Variants in HIPK4 observed in about 807,000 individuals in gnomAD.
HIPK4 encodes the protein homeodomain-interacting protein kinase 4.
A neutral mutation model predicts 44.8 loss-of-function variants in HIPK4; 26 were observed. The observed-to-expected ratio is 0.58, with a 90% confidence interval of 0.43 to 0.80. HIPK4 has a LOEUF of 0.80. Ranked by LOEUF, HIPK4 falls within the 30% of genes least tolerant of loss-of-function variation. The pLI, the probability that HIPK4 is intolerant of heterozygous loss-of-function variation, is 0.00. For missense variants in HIPK4, 729 were observed against 862.6 expected, an observed-to-expected ratio of 0.85 and a Z score of 1.94; for synonymous variants, 340 against 355.5, an observed-to-expected ratio of 0.96 and a Z score of 0.49.
intron 1 of HIPK4, among the ~76,000 whole-genome samples, chr19:40,388,732 T>C (rs181616806): frequency 2.6e-4 from 39 of 152,270 alleles, no homozygotes; most frequent in African/African-American, 8.9e-4. Flanking sequence ...TTCAGAAGCA[T>C]CCAGACAGTA....
At chr19:40,384,220 C>G in intron 1 of HIPK4, 81 bp from the exon 2 acceptor site, 3 of 1,060,892 alleles carry the variant, frequency 2.8e-6, no homozygotes, top group Non-Finnish European at 4.2e-6. Context: ...CATCTTTCAC[C>G]TGGCATCTTC....
rs1235581890 is a variant in HIPK4 at position 40,380,036 on chromosome 19, G to A, written c.1669-267C>T. On this transcript the variant is annotated intron_variant, in intron 3 of 3. Coordinates refer to ENST00000291823, the MANE Select transcript of HIPK4 (RefSeq NM_144685.5). This position sits in a 1 kb window ranked among gnomAD's most constrained non-coding sequence, Gnocchi z 4.2. Reference sequence around the variant, plus strand: ...CAGCTAATATTTCTAATTTTTTGGTGCAGACGGGATCTCACTATGTTGCCC... The same window carrying A: ...CAGCTAATATTTCTAATTTTTTGGTACAGACGGGATCTCACTATGTTGCCC... 6.6e-6 allele frequency among the ~76,000 whole-genome samples: 1 copy of A among 152,112 alleles called. No individual in the cohort carries two copies. The highest frequency in any genetic ancestry group is 2.4e-5 in the African/African-American group (1 of 41,418).
Position 40,384,009 on chromosome 19 carries a change from C to G in HIPK4, c.596G>C (p.Trp199Ser). ...CTCAGCCATGACGCAGCCCAGGGAC[C>G]ACACGTCCACCTTCTCGCAGAAGGG... is the stretch of plus-strand genomic sequence containing the variant. ...GLPFCEKVDV[W>S]SLGCVMAELH... The change falls in exon 2 of 4, where the codon TGG becomes TCG. Residue 199 changes from tryptophan (W) to serine (S), a missense_variant. Transcript: ENST00000291823. 1 of 1,614,148 alleles carries G rather than the reference C, an allele frequency of 6.2e-7. No homozygotes were observed. The highest frequency in any genetic ancestry group is 8.5e-7 in the Non-Finnish European group (1 of 1,179,986).
Position 40,379,567 on chromosome 19 carries a change from G to A in HIPK4, c.*20C>T. 1.3e-6 allele frequency: 2 copies of A among 1,501,822 alleles called. No homozygotes were observed. Among genetic ancestry groups the A allele is most frequent in the South Asian group, 2.6e-5 (2 of 77,956 alleles). 93.0% of individuals were successfully genotyped at this position (1,501,822 alleles called of 1,614,324 possible). On this transcript the variant is annotated 3_prime_UTR_variant, in exon 4 of 4. Coordinates refer to ENST00000291823, the MANE Select transcript of HIPK4 (RefSeq NM_144685.5). ...CCCAGCTAGCGCAGCCCCCAGTGAT[G>A]GGCAGGGGTGGAATCACCATCAGTG...
Position 40,381,277 on chromosome 19 carries a change from G to T in HIPK4, c.823-109C>A, listed in dbSNP as rs542846011. ...AGCCCCGACTTCCAGGTCTGCCCATGATCTGCCTTGGAGCTCTCTGGCTGC... is the reference window on the plus strand; with the variant it reads ...AGCCCCGACTTCCAGGTCTGCCCATTATCTGCCTTGGAGCTCTCTGGCTGC... On this transcript the variant is annotated intron_variant, in intron 2 of 3. Coordinates refer to ENST00000291823, the MANE Select transcript of HIPK4 (RefSeq NM_144685.5). 16 of 908,610 alleles carry T rather than the reference G, an allele frequency of 1.8e-5. No homozygotes were observed. The South Asian group carries it at 2.4e-4, about 14-fold the overall frequency. The allele number at this position is 908,610 out of a possible 1,614,324, so 56.3% of individuals were successfully genotyped here. A position where few individuals can be genotyped will look rare whatever the true frequency, so the allele number is the denominator to read the frequency against.
At position 40,380,239 on chromosome 19, in the gene HIPK4, A is replaced by G. The variant is rs182195204; in HGVS notation, c.1668+84T>C. Reference sequence around the variant, plus strand: ...GGGTGAGTGTGTGTTGAGCCTCCTCACACACTAATCATATCCTGAGCACGG... The same window carrying G: ...GGGTGAGTGTGTGTTGAGCCTCCTCGCACACTAATCATATCCTGAGCACGG... On this transcript the variant is annotated intron_variant, in intron 3 of 3. Transcript: ENST00000291823. This position sits in a 1 kb window ranked among gnomAD's most constrained non-coding sequence, Gnocchi z 4.2. The G allele has an allele frequency of 5.3e-6, 8 of 1,501,666 alleles. No homozygotes were observed. Among genetic ancestry groups the G allele is most frequent in the East Asian group, 4.6e-5 (2 of 43,946 alleles). 93.0% of individuals were successfully genotyped at this position (1,501,666 alleles called of 1,614,324 possible). A position where few individuals can be genotyped will look rare whatever the true frequency, so the allele number is the denominator to read the frequency against.
chr19:40,380,938 C>T lies in HIPK4; in HGVS notation c.1053G>A (p.Gln351=). 4 of 1,610,364 alleles carry T rather than the reference C, an allele frequency of 2.5e-6. No homozygotes were observed. The South Asian group carries it at 3.3e-5, about 13-fold the overall frequency. Reference sequence around the variant, plus strand: ...GGGTGGTCTCGTGGGCACTGCGCAGCTGCTGCATGGACACGAAGGGGTGGC... The same window carrying T: ...GGGTGGTCTCGTGGGCACTGCGCAGTTGCTGCATGGACACGAAGGGGTGGC... The part of the protein sequence containing the change: ...ALRHPFVSMQ[Q]LRSAHETTHY... The change falls in exon 3 of 4, where the codon CAG becomes CAA. Residue 351 remains glutamine, a synonymous_variant. Coordinates refer to ENST00000291823, the MANE Select transcript of HIPK4 (RefSeq NM_144685.5). This position sits in a 1 kb window ranked among gnomAD's most constrained non-coding sequence, Gnocchi z 4.2.
At chr19:40,379,846 C>A in intron 3 of HIPK4, 77 bp from the exon 4 acceptor site, 3 of 1,417,570 alleles carry the variant, frequency 2.1e-6, no homozygotes, top group Non-Finnish European at 2.9e-6. Flanking sequence ...TCACCTCCTC[C>A]TGATGAGGGT....
chr19:40,384,556 C>G (rs1055353125), intron 1 of HIPK4, among the ~76,000 whole-genome samples: 1 of 151,150 alleles, frequency 6.6e-6, no homozygotes, highest in Non-Finnish European at 1.5e-5. Flanking sequence ...CCACCCGCCT[C>G]GGCCTCCCAA....
At chr19:40,386,336 C>T (rs768229367) in intron 1 of HIPK4, among the ~76,000 whole-genome samples, 4 of 152,142 alleles carry the variant, frequency 2.6e-5, no homozygotes, top group Non-Finnish European at 5.9e-5. Flanking sequence ...GGATTACAGG[C>T]GTGAGCCACG....
At chr19:40,384,952 C>T (rs2079356264) in intron 1 of HIPK4, among the ~76,000 whole-genome samples, 1 of 152,118 alleles carries the variant, frequency 6.6e-6, no homozygotes, top group Non-Finnish European at 1.5e-5. Flanking sequence ...TCTCTTCCAG[C>T]CTTTGTGTCT....
rs148849368 is a variant in HIPK4 at position 40,380,703 on chromosome 19, C to G, written c.1288G>C (p.Asp430His). The change falls in exon 3 of 4, where the codon GAT becomes CAT. Residue 430 changes from aspartate (D) to histidine (H), a missense_variant. Physicochemically the swap from Asp to His is moderately conservative, Grantham distance 81. Transcript: ENST00000291823. The surrounding 1 kb of genome is among the most constrained non-coding windows in gnomAD (Gnocchi z 4.2). ...PGMQRAIDQL[D>H]DLSLQEAGHG... The stretch of plus-strand genomic sequence containing the variant: ...CCAGCCTCCTGCAGACTCAGGTCAT[C>G]CAGCTGGTCGATGGCTCTTTGCATA... 1.6e-4 allele frequency: 263 copies of G among 1,614,014 alleles called. No homozygotes were observed. The highest frequency in any genetic ancestry group is 3.6e-5 in the Non-Finnish European group (43 of 1,179,970).
chr19:40,384,681 G>C (rs1262072428), intron 1 of HIPK4, among the ~76,000 whole-genome samples: 2 of 148,946 alleles, frequency 1.3e-5, no homozygotes, highest in Admixed American at 1.4e-4. Context: ...GCGCAATCTT[G>C]GCTCATTGCA....
At chr19:40,387,189 C>T (rs1421440587) in intron 1 of HIPK4, among the ~76,000 whole-genome samples, 1 of 152,010 alleles carries the variant, frequency 6.6e-6, no homozygotes, top group Non-Finnish European at 1.5e-5. Flanking sequence ...GCAACTGCCT[C>T]TCCATCACTT....
chr19:40,380,260 C>A lies in HIPK4; in HGVS notation c.1668+63G>T. 1 of 1,537,548 alleles carries A rather than the reference C, an allele frequency of 6.5e-7. No homozygotes were observed. Among genetic ancestry groups the A allele is most frequent in the Non-Finnish European group, 8.7e-7 (1 of 1,143,346 alleles). ...CCTCACACACTAATCATATCCTGAGCACGGGTGAGTGTGTGCTGAGCCTCC... is the reference window on the plus strand; with the variant it reads ...CCTCACACACTAATCATATCCTGAGAACGGGTGAGTGTGTGCTGAGCCTCC... On this transcript the variant is annotated intron_variant, in intron 3 of 3. Coordinates refer to ENST00000291823, the MANE Select transcript of HIPK4 (RefSeq NM_144685.5). The surrounding 1 kb of genome is among the most constrained non-coding windows in gnomAD (Gnocchi z 4.2).
chr19:40,381,011 A>G lies in HIPK4; in HGVS notation c.980T>C (p.Met327Thr). The G allele has an allele frequency of 6.2e-7, 1 of 1,613,488 alleles. No homozygotes were observed. Among genetic ancestry groups the G allele is most frequent in the Non-Finnish European group, 8.5e-7 (1 of 1,180,014 alleles). ...LKSMVELIKRMLTWESHERIS... is the reference protein window; with the variant it reads ...LKSMVELIKRTLTWESHERIS... ...GCGTTCGTGTGACTCCCAGGTCAGC[A>G]TGCGCTTGATCAGCTCCACCATGCT... Residue 327 changes from methionine to threonine, a missense_variant, in exon 3 of 4, where the codon ATG becomes ACG. Transcript: ENST00000291823.
In HIPK4 at chr19:40,389,574, G is replaced by T; in HGVS notation, c.329C>A (p.Ala110Asp). 6.2e-7 allele frequency: 1 copy of T among 1,613,958 alleles called. No homozygotes were observed. The highest frequency in any genetic ancestry group is 1.3e-5 in the African/African-American group (1 of 75,008). Residue 110 changes from alanine (A) to aspartate (D), a missense_variant, in exon 1 of 4, where the codon GCC (alanine) becomes GAC (aspartate). Ala to Asp is a moderately radical substitution (Grantham distance 126, BLOSUM62 -2). Coordinates refer to ENST00000291823, the MANE Select transcript of HIPK4 (RefSeq NM_144685.5). This position sits in a 1 kb window ranked among gnomAD's most constrained non-coding sequence, Gnocchi z 4.6. Reference protein sequence around the residue: ...QKENNFAPLPARHIRTVTLQV... With the variant: ...QKENNFAPLPDRHIRTVTLQV... ...CAGGGTGACTGTACGGATGTGGCGG[G>T]CGGGGAGGGGCGCGAAGTTGTTCTC...
At position 40,389,725 on chromosome 19, in the gene HIPK4, G is replaced by A. The variant is rs751069591; in HGVS notation, c.178C>T (p.His60Tyr). The change falls in exon 1 of 4, where the codon CAC becomes TAC. Residue 60 changes from histidine to tyrosine, a missense_variant. Transcript: ENST00000291823. The surrounding 1 kb of genome is among the most constrained non-coding windows in gnomAD (Gnocchi z 4.6). ...RIIKNELKLLHCMRGLDPEEA... is the reference protein window; with the variant it reads ...RIIKNELKLLYCMRGLDPEEA... ...TCAGGGTCTAGGCCTCGCATGCAGTGCAGCAGCTTCAGCTCGTTCTTGATG... is the reference window on the plus strand; with the variant it reads ...TCAGGGTCTAGGCCTCGCATGCAGTACAGCAGCTTCAGCTCGTTCTTGATG... The A allele has an allele frequency of 1.2e-5, 20 of 1,614,112 alleles. No homozygotes were observed. The highest frequency in any genetic ancestry group is 1.6e-5 in the Non-Finnish European group (19 of 1,180,056).
At chr19:40,381,845 G>T (rs1394102095) in intron 2 of HIPK4, among the ~76,000 whole-genome samples, 1 of 114,478 alleles carries the variant, frequency 8.7e-6, no homozygotes, top group Non-Finnish European at 1.6e-5. Context: ...CACTCTTGTT[G>T]CCCAGGCTGG....
Sources: allele counts gnomAD v4.1 joint callset (sites outside exome capture counted in the v4.1 genomes callset), GRCh38; gene constraint gnomAD v4.1.1; non-coding constraint Gnocchi (gnomAD v3.1); transcripts MANE v1.5; gene names NCBI Gene and HGNC (gene_info 2026-07-23, HGNC 2026-07-21).